The following FYB1 variants were observed in gnomAD, a reference collection of about 807,000 sequenced individuals.
The protein encoded by FYB1 is FYN-binding protein 1.
In FYB1, 41 loss-of-function variants were observed where a neutral mutation model predicts 94.1. The observed-to-expected ratio is 0.44, with a 90% CI of 0.34 to 0.57. FYB1 has a LOEUF of 0.57. Among genes scored for constraint, FYB1 ranks in the 20% least tolerant of loss-of-function variants. The pLI, the probability that FYB1 is intolerant of heterozygous loss-of-function variation, is 0.02. For missense variants in FYB1, 1,050 were observed against 976.8 expected, an observed-to-expected ratio of 1.07 and a Z score of -1.00; for synonymous variants, 367 against 353.2, an observed-to-expected ratio of 1.04 and a Z score of -0.44.
chr5:39,196,208 C>CT (rs5867445), intron 2 of FYB1, among the ~76,000 whole-genome samples: 40,877 of 128,216 alleles, frequency 0.32, 6,800 homozygotes, highest in Non-Finnish European at 0.37. Flanking sequence ...ATAATTCTTT[C>CT]TTTTTTTTTT....
chr5:39,167,107 C>A (rs1290611105), intron 2 of FYB1, among the ~76,000 whole-genome samples: 2 of 152,014 alleles, frequency 1.3e-5, no homozygotes, highest in East Asian at 3.9e-4. Context: ...CTGCAATTAA[C>A]TTTGCACCAA....
At chr5:39,188,896 A>C (rs1747101706) in intron 2 of FYB1, among the ~76,000 whole-genome samples, 1 of 152,176 alleles carries the variant, frequency 6.6e-6, no homozygotes, top group South Asian at 2.1e-4. Flanking sequence ...GTGAAACTTG[A>C]TAGCTATTCC....
At chr5:39,270,111 T>A (rs1752609368) in intron 1 of FYB1, among the ~76,000 whole-genome samples, 1 of 152,034 alleles carries the variant, frequency 6.6e-6, no homozygotes, top group African/African-American at 2.4e-5. Flanking sequence ...TTAATTAAAA[T>A]AAAAAAATAC....
upstream of FYB1, among the ~76,000 whole-genome samples, chr5:39,220,184 G>A (rs1319551822): frequency 1.3e-5 from 2 of 152,052 alleles, no homozygotes; most frequent in African/African-American, 2.4e-5. Flanking sequence ...TGAGGCAGGA[G>A]GATTGCTTGA....
intron 2 of FYB1, among the ~76,000 whole-genome samples, chr5:39,195,146 C>T (rs182129435): frequency 1.6e-3 from 251 of 152,278 alleles, no homozygotes; most frequent in Non-Finnish European, 3.0e-3. Flanking sequence ...CAAAGCATCC[C>T]GGGATCTCTT....
At chr5:39,107,537 T>C (rs1054386183) in intron 18 of FYB1, 72 bp from the exon 19 acceptor site, 9 of 1,056,224 alleles carry the variant, frequency 8.5e-6, no homozygotes, top group African/African-American at 8.0e-5. Flanking sequence ...AGTTTGGAAA[T>C]GTGGGTGATT....
intron 2 of FYB1, chr5:39,169,325 T>C: frequency 1.3e-6 from 1 of 775,418 alleles, no homozygotes; most frequent in Non-Finnish European, 2.4e-6. Flanking sequence ...CTATGGGGTA[T>C]CTTTGGAGAA....
chr5:39,175,284 C>G (rs1745618343), intron 2 of FYB1, among the ~76,000 whole-genome samples: 1 of 152,166 alleles, frequency 6.6e-6, no homozygotes, highest in African/African-American at 2.4e-5. Context: ...AGTTTGACAA[C>G]AGCAACTGGG....
rs529452863 is a variant in FYB1, at chr5:39,153,980, C to T, written c.1136-376G>A. On this transcript the variant is annotated intron_variant, in intron 2 of 18. Coordinates refer to ENST00000512982, the MANE Select transcript of FYB1 (RefSeq NM_001465.6). ...GTTATACTTTTTGTAGAGATGAAGT[C>T]TTGATATGTCACCCAGGCTGGTTTT... Among the ~76,000 whole-genome samples, 6 of 152,126 alleles carry T rather than the reference C, an allele frequency of 3.9e-5. No individual in the cohort carries two copies. The East Asian group carries it at 1.2e-3, about 29-fold the overall frequency.
intron 2 of FYB1, among the ~76,000 whole-genome samples, chr5:39,182,764 T>G (rs1746378354): frequency 6.6e-6 from 1 of 152,210 alleles, no homozygotes; most frequent in Admixed American, 6.5e-5. Context: ...TCTCTCCTTG[T>G]GCTACTACTT....
intron 2 of FYB1, among the ~76,000 whole-genome samples, chr5:39,165,211 G>T (rs1025170259): frequency 6.6e-6 from 1 of 152,134 alleles, no homozygotes; most frequent in Non-Finnish European, 1.5e-5. Flanking sequence ...AACAAAGCTG[G>T]AGCCATCACA....
chr5:39,114,824 T>G (rs760547955), intron 16 of FYB1, among the ~76,000 whole-genome samples: 2 of 152,198 alleles, frequency 1.3e-5, no homozygotes, highest in African/African-American at 2.4e-5. Flanking sequence ...CAAGGCATTG[T>G]GTAACGTGCT....
chr5:39,130,767 T>C (rs1365390442), intron 9 of FYB1, among the ~76,000 whole-genome samples, 155 bp from the exon 10 acceptor site: 1 of 152,126 alleles, frequency 6.6e-6, no homozygotes, highest in Non-Finnish European at 1.5e-5. Context: ...ATGTTCCTTA[T>C]CATCATAGAT....
At position 39,153,591 on chromosome 5, in the gene FYB1, G is replaced by A. The variant is rs1580403445; in HGVS notation, c.1149C>T (p.Gly383=). ...KTSSGNSTSK[G]QTSYSTTSLP... ...GGGAAGTTGTTGAGTAAGACGTCTG[G>A]CCTTTGCTAGTACCTAAGAAGCAAA... Residue 383 remains glycine, a synonymous_variant, in exon 3 of 19, where the codon GGC becomes GGT. Transcript: ENST00000512982. 1 of 1,612,510 alleles carries A rather than the reference G, an allele frequency of 6.2e-7. No homozygotes were observed. The highest frequency in any genetic ancestry group is 8.5e-7 in the Non-Finnish European group (1 of 1,179,396).
chr5:39,223,164 G>A (rs562119294), upstream of FYB1, among the ~76,000 whole-genome samples: 30 of 152,010 alleles, frequency 2.0e-4, no homozygotes, highest in East Asian at 2.9e-3. Flanking sequence ...AAAAGCAAAA[G>A]CATTGCTTTT....
At chr5:39,178,868 A>G (rs1227183869) in intron 2 of FYB1, among the ~76,000 whole-genome samples, 3 of 152,320 alleles carry the variant, frequency 2.0e-5, no homozygotes, top group African/African-American at 7.2e-5. Flanking sequence ...TTATAATCTT[A>G]GGAAATCCTT....
At chr5:39,115,764 G>T (rs1013240348) in intron 16 of FYB1, among the ~76,000 whole-genome samples, 16 of 152,006 alleles carry the variant, frequency 1.1e-4, no homozygotes, top group African/African-American at 3.6e-4. Context: ...AGGAAGTTAG[G>T]AAAAATAAAA....
chr5:39,113,169 G>GA (rs1739221818), intron 16 of FYB1, among the ~76,000 whole-genome samples: 1 of 150,972 alleles, frequency 6.6e-6, no homozygotes. Context: ...CTCCATTATA[G>GA]GTCCTAGAAA....
intron 1 of FYB1, chr5:39,211,144 C>G (rs559638222): frequency 6.6e-6 from 1 of 152,098 alleles, no homozygotes; most frequent in Admixed American, 6.5e-5. Flanking sequence ...TTTTGACTAA[C>G]GAACTTGTAG....
Sources: allele counts gnomAD v4.1 joint callset (sites outside exome capture counted in the v4.1 genomes callset), GRCh38; gene constraint gnomAD v4.1.1; transcripts MANE v1.5; gene names NCBI Gene and HGNC (gene_info 2026-07-23, HGNC 2026-07-21).